PADI4: variants seen among roughly 807,000 people sequenced by gnomAD.
PADI4 encodes the protein peptidyl arginine deiminase 4, also known as protein-arginine deiminase type-4.
In PADI4, 62 loss-of-function variants were observed where a neutral mutation model predicts 75.0. That is an observed-to-expected ratio of 0.83 (90% CI 0.67 to 1.02). The LOEUF (loss-of-function observed/expected upper bound fraction) is 1.02. PADI4 is among the 50% of genes least tolerant of loss of function. The pLI, the probability that PADI4 is intolerant of heterozygous loss-of-function variation, is 0.00. For synonymous variants in PADI4, 361 were observed against 348.1 expected, an observed-to-expected ratio of 1.04 and a Z score of -0.41; for missense variants, 845 against 850.5, an observed-to-expected ratio of 0.99 and a Z score of 0.08.
Position 17,314,791 on chromosome 1 carries a change from T to C in PADI4, c.92+6477T>C, listed in dbSNP as rs576430916. On this transcript the variant is annotated intron_variant, in intron 1 of 15. Coordinates refer to ENST00000375448, the MANE Select transcript of PADI4 (RefSeq NM_012387.3). The stretch of plus-strand genomic sequence containing the variant: ...GGCAGCTGAACCACTCCACCCCAGC[T>C]GGTCTGCAGGAGAGTATCTGATCCC... Among the ~76,000 whole-genome samples, 30 of 152,342 alleles carry C rather than the reference T, an allele frequency of 2.0e-4. No homozygotes were observed. In the South Asian group the frequency reaches 5.4e-3, roughly 27 times the overall value.
At chr1:17,319,729 G>GA (rs2074001667) in intron 1 of PADI4, among the ~76,000 whole-genome samples, 1 of 152,154 alleles carries the variant, frequency 6.6e-6, no homozygotes, top group South Asian at 2.1e-4. Context: ...ACAGAAAAAC[G>GA]AAAGTGACCC....
intron 11 of PADI4, 116 bp from the exon 12 acceptor site, chr1:17,355,867 T>C: frequency 1.0e-6 from 1 of 969,428 alleles, no homozygotes; most frequent in Non-Finnish European, 1.7e-6. Context: ...TCTAGACTCC[T>C]GCATCCCTTT....
chr1:17,314,502 G>C (rs1052864750), intron 1 of PADI4, among the ~76,000 whole-genome samples: 26 of 152,304 alleles, frequency 1.7e-4, no homozygotes, highest in African/African-American at 6.0e-4. Context: ...GGGCTGAGCT[G>C]TCTGCTGCTT....
chr1:17,351,406 C>T (rs1365643099), intron 10 of PADI4, among the ~76,000 whole-genome samples: 2 of 144,478 alleles, frequency 1.4e-5, no homozygotes, highest in Admixed American at 7.0e-5. Context: ...GCCTAGGCAC[C>T]ATAGTCAAAC....
Position 17,336,638 on chromosome 1 carries a change from G to A in PADI4, c.408+412G>A, listed in dbSNP as rs549340960. On this transcript the variant is annotated intron_variant, in intron 4 of 15. Coordinates refer to ENST00000375448, the MANE Select transcript of PADI4 (RefSeq NM_012387.3). ...ATGGCAGGGGGAGAGGCGGGAAGGA[G>A]CCAGGTGGGGAGAGGGAGGGTGTGT... Among the ~76,000 whole-genome samples the A allele has an allele frequency of 7.6e-4, 116 of 152,298 alleles. No individual in the cohort carries two copies. The Middle Eastern group carries it at 0.017, about 22-fold the overall frequency.
At chr1:17,344,656 G>A (rs2074483269) in intron 8 of PADI4, among the ~76,000 whole-genome samples, 1 of 152,080 alleles carries the variant, frequency 6.6e-6, no homozygotes, top group Non-Finnish European at 1.5e-5. Flanking sequence ...GTAGAGCTCA[G>A]GCTGTGGCTT....
chr1:17,352,917 G>A (rs546620823), intron 10 of PADI4, among the ~76,000 whole-genome samples: 1 of 152,344 alleles, frequency 6.6e-6, no homozygotes, highest in Non-Finnish European at 1.5e-5. Flanking sequence ...GACTGAAGGG[G>A]CAAGTGAGGT....
chr1:17,339,487 C>T (rs895151935), intron 5 of PADI4, among the ~76,000 whole-genome samples: 1 of 152,142 alleles, frequency 6.6e-6, no homozygotes, highest in Admixed American at 6.5e-5. Context: ...AGACCAAAAC[C>T]TTAATGAGCT....
At chr1:17,334,655 A>G (rs937747328) in intron 3 of PADI4, 2 of 455,708 alleles carry the variant, frequency 4.4e-6, no homozygotes, top group African/African-American at 4.0e-5. Flanking sequence ...AGATAATGAC[A>G]CTGTCTTATA....
intron 1 of PADI4, among the ~76,000 whole-genome samples, chr1:17,312,814 C>T (rs1230247362): frequency 2.7e-5 from 4 of 149,036 alleles, no homozygotes; most frequent in African/African-American, 7.4e-5. Flanking sequence ...TTAGGGCTCA[C>T]AAGGAATTTC....
chr1:17,338,169 G>T lies in PADI4; in HGVS notation c.526+14G>T. 4 of 1,539,188 alleles carry T rather than the reference G, an allele frequency of 2.6e-6. No homozygotes were observed. Among genetic ancestry groups the T allele is most frequent in the Non-Finnish European group, 3.6e-6 (4 of 1,112,148 alleles). On this transcript the variant is annotated intron_variant, in intron 5 of 15. Transcript: ENST00000375448. ...TTGACAGCGAAGGTAAAGAGCATTTGCTAGCTAACGGGAAGGGCTTTTTAT... is the reference window on the plus strand; with the variant it reads ...TTGACAGCGAAGGTAAAGAGCATTTTCTAGCTAACGGGAAGGGCTTTTTAT...
At chr1:17,314,764 G>C (rs2501807) in intron 1 of PADI4, among the ~76,000 whole-genome samples, 11 of 152,170 alleles carry the variant, frequency 7.2e-5, no homozygotes, top group Non-Finnish European at 1.2e-4. Context: ...ACGTTTCCCC[G>C]GGGCAGCTGA....
chr1:17,323,867 A>AC (rs1553143601), intron 1 of PADI4, among the ~76,000 whole-genome samples: 15 of 151,628 alleles, frequency 9.9e-5, no homozygotes, highest in African/African-American at 3.4e-4. Flanking sequence ...AACAAAAAAA[A>AC]CACAAACAAA....
chr1:17,352,881 C>T (rs532767474), intron 10 of PADI4, among the ~76,000 whole-genome samples: 18 of 152,226 alleles, frequency 1.2e-4, no homozygotes, highest in Admixed American at 1.1e-3. Flanking sequence ...GGCTCGGGAA[C>T]GGAATTCCAT....
chr1:17,315,704 G>C (rs757875931), intron 1 of PADI4, among the ~76,000 whole-genome samples: 1 of 151,944 alleles, frequency 6.6e-6, no homozygotes, highest in South Asian at 2.1e-4. Context: ...AGAGAGAAGG[G>C]GAGGAGCAAG....
rs1557576577 is a variant in PADI4, at chr1:17,352,013, AGAGGCGGCCAGGGAGGTGATGGGAG to A, written c.1156-2516_1156-2492del. 4.0e-4 allele frequency among the ~76,000 whole-genome samples: 4 copies of A among 9,926 alleles called. 1 individual carries two copies. Among genetic ancestry groups the A allele is most frequent in the Non-Finnish European group, 7.5e-4 (4 of 5,368 alleles). The allele number at this position is 9,926 out of a possible 152,430, so 6.5% of individuals were successfully genotyped here. On this transcript the variant is annotated intron_variant, in intron 10 of 15. Transcript: ENST00000375448. ...AGGCAGTCAGGGAGGTGATGGGAGG[AGAGGCGGCCAGGGAGGTGATGGGAG>A]GAGAGGCAGTCAGGGAGGTGATGGG...
rs2074346968 is a variant in PADI4 at position 17,338,016 on chromosome 1, ACT to A, written c.409-19_409-18del. The A allele has an allele frequency of 6.8e-7, 1 of 1,469,518 alleles. No homozygotes were observed. The highest frequency in any genetic ancestry group is 9.5e-7 in the Non-Finnish European group (1 of 1,048,210). The allele number at this position is 1,469,518 out of a possible 1,614,324, so 91.0% of individuals were successfully genotyped here. ...GGCTCTATGCTAGTTTCTGAGCATGACTCTTCCCTGCTGGTGTCCAGAGGACC... is the reference window on the plus strand; with the variant it reads ...GGCTCTATGCTAGTTTCTGAGCATGACTTCCCTGCTGGTGTCCAGAGGACC... On this transcript the variant is annotated intron_variant, in intron 4 of 15. Transcript: ENST00000375448.
intron 15 of PADI4, among the ~76,000 whole-genome samples, chr1:17,362,275 C>A: frequency 6.7e-6 from 1 of 149,824 alleles, no homozygotes; most frequent in East Asian, 2.0e-4. Flanking sequence ...ATTGCTTGAG[C>A]CCAGGAGGTG....
intron 10 of PADI4, chr1:17,348,321 C>T: frequency 3.4e-6 from 1 of 296,648 alleles, no homozygotes; most frequent in South Asian, 7.5e-5. Flanking sequence ...CAGGCTTGGA[C>T]CTCCCTGTGC....
Sources: gnomAD v4.1 joint callset for allele counts (sites outside exome capture counted in the v4.1 genomes callset) on GRCh38, gnomAD v4.1.1 for gene constraint, MANE v1.5 for transcripts, NCBI Gene and HGNC (gene_info 2026-07-23, HGNC 2026-07-21) for gene names.